GRM3: variants seen among roughly 807,000 people sequenced by gnomAD.
The protein encoded by GRM3 is metabotropic glutamate receptor 3.
A neutral mutation model predicts 70.5 loss-of-function variants in GRM3; 26 were observed. That is an observed-to-expected ratio of 0.37 (90% CI 0.27 to 0.51). The LOEUF is 0.51. Ranked by LOEUF, GRM3 falls within the 20% of genes least tolerant of loss-of-function variation. GRM3 has a pLI of 0.93. For missense variants in GRM3, 859 were observed against 1,123.8 expected (o/e 0.76, Z 3.37); for synonymous variants, 443 against 434.9 (o/e 1.02, Z -0.23).
chr7:86,717,583 C>T (rs954713727), intron 1 of GRM3, among the ~76,000 whole-genome samples: 6 of 151,802 alleles, frequency 4.0e-5, no homozygotes, highest in Non-Finnish European at 7.4e-5. Context: ...AAATAATAAA[C>T]AATAAAAAAG....
At chr7:86,778,214 A>C (rs1477356373) in intron 2 of GRM3, among the ~76,000 whole-genome samples, 3 of 152,222 alleles carry the variant, frequency 2.0e-5, no homozygotes, top group Non-Finnish European at 4.4e-5. Context: ...TCTGTAAATA[A>C]CATTCTTCTT....
At chr7:86,837,343 G>A (rs1798476495) in intron 3 of GRM3, among the ~76,000 whole-genome samples, 1 of 152,076 alleles carries the variant, frequency 6.6e-6, no homozygotes, top group African/African-American at 2.4e-5. Context: ...AGTGTTTCCT[G>A]GACAGCGTTT....
chr7:86,747,448 A>G (rs1027038330), intron 1 of GRM3, among the ~76,000 whole-genome samples: 9 of 152,100 alleles, frequency 5.9e-5, no homozygotes, highest in African/African-American at 1.9e-4. Context: ...TACATGGGCA[A>G]TGGTGATATT....
intron 1 of GRM3, among the ~76,000 whole-genome samples, chr7:86,744,076 A>T (rs1796048728): frequency 6.6e-6 from 1 of 152,036 alleles, no homozygotes; most frequent in African/African-American, 2.4e-5. Context: ...GGGCAATGTT[A>T]CCTCTCTAAT....
intron 1 of GRM3, among the ~76,000 whole-genome samples, chr7:86,693,492 C>G (rs1257064379): frequency 2.0e-5 from 3 of 152,166 alleles, no homozygotes; most frequent in Non-Finnish European, 4.4e-5. Flanking sequence ...AATAGAAGAA[C>G]TCAGTGAAAC....
chr7:86,651,364 T>C (rs1305111462), intron 1 of GRM3, among the ~76,000 whole-genome samples: 1 of 152,204 alleles, frequency 6.6e-6, no homozygotes, highest in Non-Finnish European at 1.5e-5. Context: ...TAATAATAGA[T>C]AGCAGATAGA....
rs1041894967 is a variant in GRM3, at chr7:86,847,235, C to G, written c.2392-3135C>G. On this transcript the variant is annotated intron_variant, in intron 4 of 5. Coordinates refer to ENST00000361669, the MANE Select transcript of GRM3 (RefSeq NM_000840.3). ...ATTCTGGAACAAAGGCAGTCAGAGC[C>G]TTGCTCACAAAATAACATGAGAGGC... 1.4e-4 allele frequency among the ~76,000 whole-genome samples: 22 copies of G among 152,186 alleles called. 1 individual carries two copies. The highest frequency in any genetic ancestry group is 1.1e-3 in the Admixed American group (17 of 15,268).
chr7:86,706,245 G>T (rs539114704), intron 1 of GRM3, among the ~76,000 whole-genome samples: 1 of 152,038 alleles, frequency 6.6e-6, no homozygotes, highest in Non-Finnish European at 1.5e-5. Context: ...ACCTGTTAGA[G>T]TTTAAAGTAG....
At chr7:86,802,170 G>T (rs565039881) in intron 3 of GRM3, among the ~76,000 whole-genome samples, 6 of 152,228 alleles carry the variant, frequency 3.9e-5, no homozygotes, top group African/African-American at 1.4e-4. Flanking sequence ...AAGTTTAAAT[G>T]TGTCTCAAAA....
chr7:86,815,109 G>C (rs1797988800), intron 3 of GRM3, among the ~76,000 whole-genome samples: 1 of 151,466 alleles, frequency 6.6e-6, no homozygotes, highest in Non-Finnish European at 1.5e-5. Flanking sequence ...CCCTGAACAT[G>C]GCAGGTTCTG....
At chr7:86,849,176 C>A (rs568001634) in intron 4 of GRM3, among the ~76,000 whole-genome samples, 1 of 152,276 alleles carries the variant, frequency 6.6e-6, no homozygotes, top group Non-Finnish European at 1.5e-5. Context: ...ATGCTAACAT[C>A]ATATTATACA....
At chr7:86,780,283 CTG>C (rs1208353191) in intron 2 of GRM3, among the ~76,000 whole-genome samples, 1 of 152,110 alleles carries the variant, frequency 6.6e-6, no homozygotes, top group Non-Finnish European at 1.5e-5. Flanking sequence ...TTCTAGATCC[CTG>C]TATGCATATG....
chr7:86,740,531 A>G (rs1462244355), intron 1 of GRM3, among the ~76,000 whole-genome samples: 1 of 152,234 alleles, frequency 6.6e-6, no homozygotes, highest in Non-Finnish European at 1.5e-5. Context: ...CCAGAATAAA[A>G]AGATTAACTT....
intron 1 of GRM3, among the ~76,000 whole-genome samples, chr7:86,664,474 C>A (rs1330707913): frequency 6.6e-6 from 1 of 151,840 alleles, no homozygotes; most frequent in Non-Finnish European, 1.5e-5. Context: ...TATATCCTTC[C>A]TTTTAGGGGA....
intron 1 of GRM3, among the ~76,000 whole-genome samples, chr7:86,719,338 T>C (rs1180332727): frequency 6.6e-6 from 1 of 151,990 alleles, no homozygotes; most frequent in East Asian, 1.9e-4. Flanking sequence ...GGAAGTTTCT[T>C]CATACATCTA....
intron 1 of GRM3, among the ~76,000 whole-genome samples, chr7:86,736,258 A>C (rs1179120004): frequency 6.6e-6 from 1 of 152,150 alleles, no homozygotes; most frequent in Admixed American, 6.6e-5. Flanking sequence ...AAAGATCCAA[A>C]GTGATCTTCA....
rs572962915 is a variant in GRM3 at position 86,831,129 on chromosome 7, G to A, written c.1325-7710G>A. Among the ~76,000 whole-genome samples, 18 of 152,278 alleles carry A rather than the reference G, an allele frequency of 1.2e-4. No homozygotes were observed. In the South Asian group the frequency reaches 2.1e-3, roughly 18 times the overall value. On this transcript the variant is annotated intron_variant, in intron 3 of 5. Coordinates refer to ENST00000361669, the MANE Select transcript of GRM3 (RefSeq NM_000840.3). ...CAAGCCACTCAGTTTGTGGTACTTC[G>A]TTATGGCAGCCCTAATACACTAATA... is the stretch of plus-strand genomic sequence containing the variant.
At chr7:86,692,102 T>C (rs1476291929) in intron 1 of GRM3, among the ~76,000 whole-genome samples, 1 of 152,164 alleles carries the variant, frequency 6.6e-6, no homozygotes, top group Non-Finnish European at 1.5e-5. Flanking sequence ...CAAACAAAGG[T>C]ACTTTCACCT....
chr7:86,657,182 T>G (rs1439171996), intron 1 of GRM3, among the ~76,000 whole-genome samples: 3 of 152,228 alleles, frequency 2.0e-5, no homozygotes, highest in Non-Finnish European at 4.4e-5. Flanking sequence ...AAATCTTTAA[T>G]GAGCATCTGC....
Sources: gnomAD v4.1 joint callset for allele counts (sites outside exome capture counted in the v4.1 genomes callset) on GRCh38, gnomAD v4.1.1 for gene constraint, MANE v1.5 for transcripts, NCBI Gene and HGNC (gene_info 2026-07-23, HGNC 2026-07-21) for gene names.